SPATA7: variants seen among roughly 807,000 people sequenced by gnomAD.
The protein encoded by SPATA7 is spermatogenesis associated 7, also known as spermatogenesis-associated protein 7.
A neutral mutation model predicts 51.8 loss-of-function variants in SPATA7; 43 were observed. The ratio of observed to expected loss-of-function variants is 0.83; its 90% CI spans 0.65 to 1.07. The LOEUF is 1.07. Among genes scored for constraint, SPATA7 ranks in the 50% least tolerant of loss-of-function variants. The pLI, the probability that SPATA7 is intolerant of heterozygous loss-of-function variation, is 0.00. For synonymous variants in SPATA7, 230 were observed against 252.8 expected (o/e 0.91, Z 0.86); for missense variants, 683 against 701.3 (o/e 0.97, Z 0.30).
chr14:88,385,770 A>G lies in SPATA7; in HGVS notation c.-49A>G. 6.4e-7 allele frequency: 1 copy of G among 1,571,202 alleles called. No homozygotes were observed. Among genetic ancestry groups the G allele is most frequent in the African/African-American group, 1.3e-5 (1 of 74,524 alleles). ...GGGGCTGGGCCCGGCCGCGGGAAGG[A>G]CCGAAGGGGATACAGCGTGTCCCTG... On this transcript the variant is annotated 5_prime_UTR_variant, in exon 1 of 12. Coordinates refer to ENST00000393545, the MANE Select transcript of SPATA7 (RefSeq NM_018418.5).
chr14:88,458,480 C>T (rs947703849), downstream of SPATA7, among the ~76,000 whole-genome samples: 2 of 152,102 alleles, frequency 1.3e-5, no homozygotes, highest in Non-Finnish European at 2.9e-5. Context: ...GGAATTTATC[C>T]ATTTCTTCTA....
At position 88,424,115 on chromosome 14, in the gene SPATA7, C is replaced by T. The variant is rs8012055; in HGVS notation, c.373-2117C>T. Among the ~76,000 whole-genome samples the T allele has an allele frequency of 7.5e-3, 1,148 of 152,286 alleles. 14 individuals are homozygous for T. Among genetic ancestry groups the T allele is most frequent in the African/African-American group, 0.026 (1,096 of 41,554 alleles). On this transcript the variant is annotated intron_variant, in intron 5 of 11. Coordinates refer to ENST00000393545, the MANE Select transcript of SPATA7 (RefSeq NM_018418.5). ...GTTCAGGGTACCACCAGACTCTTTG[C>T]TCCATTGGCACATAATTGATGAACC...
intron 4 of SPATA7, among the ~76,000 whole-genome samples, chr14:88,463,888 C>G (rs2077333997): frequency 6.6e-6 from 1 of 151,948 alleles, no homozygotes; most frequent in Non-Finnish European, 1.5e-5. Context: ...TGCTCTGTCA[C>G]CCAAGCTGGA....
At chr14:88,386,268 G>A (rs2139847841) in intron 1 of SPATA7, among the ~76,000 whole-genome samples, 1 of 152,200 alleles carries the variant, frequency 6.6e-6, no homozygotes, top group African/African-American at 2.4e-5. Context: ...GAGTTCTTGA[G>A]GATTAAATGC....
At chr14:88,393,521 C>A (rs1308846397) in intron 3 of SPATA7, 33 bp downstream of exon 3, 2 of 1,421,956 alleles carry the variant, frequency 1.4e-6, no homozygotes, top group East Asian at 2.3e-5. Context: ...TCTCTGTACT[C>A]AATTTAAACC....
chr14:88,456,742 G>A (rs1469352804), downstream of SPATA7, among the ~76,000 whole-genome samples: 2 of 152,054 alleles, frequency 1.3e-5, no homozygotes, highest in African/African-American at 4.8e-5. Context: ...GATCCCATTT[G>A]TCAATTTTGG....
At chr14:88,444,666 G>A (rs2077199436) in intron 3 of SPATA7, among the ~76,000 whole-genome samples, 1 of 152,164 alleles carries the variant, frequency 6.6e-6, no homozygotes, top group South Asian at 2.1e-4. Flanking sequence ...TTCGTATAAG[G>A]TGTAAGGAAG....
intron 5 of SPATA7, among the ~76,000 whole-genome samples, chr14:88,419,844 C>G (rs1387243011): frequency 6.6e-6 from 1 of 151,892 alleles, no homozygotes; most frequent in African/African-American, 2.4e-5. Flanking sequence ...TTATTTCTGG[C>G]TTCTTATTTC....
At chr14:88,434,618 G>A (rs962353607) in intron 10 of SPATA7, among the ~76,000 whole-genome samples, 4 of 151,528 alleles carry the variant, frequency 2.6e-5, no homozygotes, top group Admixed American at 6.6e-5. Context: ...CCCGCAAGGC[G>A]GAGGTTGCAG....
intron 8 of SPATA7, among the ~76,000 whole-genome samples, chr14:88,430,935 G>A (rs1020298241): frequency 3.9e-5 from 6 of 152,054 alleles, no homozygotes; most frequent in Non-Finnish European, 7.4e-5. Flanking sequence ...TCCAAAATCC[G>A]ACATGATGCC....
intron 10 of SPATA7, among the ~76,000 whole-genome samples, chr14:88,435,556 AC>A (rs972516963): frequency 6.6e-6 from 1 of 152,016 alleles, no homozygotes; most frequent in Non-Finnish European, 1.5e-5. Context: ...CCCATTAACT[AC>A]CCCACTTAAC....
chr14:88,452,716 C>A (rs897729350), intron 3 of SPATA7, among the ~76,000 whole-genome samples: 3 of 152,132 alleles, frequency 2.0e-5, no homozygotes, highest in African/African-American at 7.2e-5. Flanking sequence ...TCCAGTATAC[C>A]CCCTGCTGCT....
intron 4 of SPATA7, among the ~76,000 whole-genome samples, chr14:88,411,076 G>A (rs1178910766): frequency 6.6e-6 from 1 of 152,222 alleles, no homozygotes; most frequent in African/African-American, 2.4e-5. Context: ...TGCCCAGAGA[G>A]GAGGAATCTA....
At chr14:88,459,541 C>G (rs1173670681), downstream of SPATA7, among the ~76,000 whole-genome samples, 2 of 152,008 alleles carry the variant, frequency 1.3e-5, no homozygotes, top group Admixed American at 6.6e-5. Flanking sequence ...GGATTGCAAC[C>G]CCTGCCTTTT....
intron 10 of SPATA7, among the ~76,000 whole-genome samples, chr14:88,434,830 G>A (rs1006348864): frequency 1.3e-5 from 2 of 152,118 alleles, no homozygotes; most frequent in African/African-American, 4.8e-5. Context: ...GTTAACAATA[G>A]TTGTAAAAAG....
intron 2 of SPATA7, among the ~76,000 whole-genome samples, chr14:88,392,661 CT>C (rs1381628480): frequency 6.6e-6 from 1 of 152,100 alleles, no homozygotes; most frequent in African/African-American, 2.4e-5. Context: ...GAAATCACTT[CT>C]TTTTCAAACT....
Position 88,469,520 on chromosome 14 carries a change from C to T in SPATA7, c.255-327C>T, listed in dbSNP as rs1205730185. On this transcript the variant is annotated intron_variant, in intron 4 of 4. Coordinates refer to the SPATA7 transcript ENST00000556406. The surrounding 1 kb of genome is among the most constrained non-coding windows in gnomAD (Gnocchi z 4.3). ...TCACATAAAAATCCCTTGAGGTCTT[C>T]TGGACAGCCATGTTCAGGCCAGTCT... 2 of 1,613,980 alleles carry T rather than the reference C, an allele frequency of 1.2e-6. No individual in the cohort carries two copies. The highest frequency in any genetic ancestry group is 8.5e-7 in the Non-Finnish European group (1 of 1,179,832).
At chr14:88,433,906 A>G (rs1462091156) in intron 10 of SPATA7, among the ~76,000 whole-genome samples, 1 of 152,208 alleles carries the variant, frequency 6.6e-6, no homozygotes, top group East Asian at 1.9e-4. Context: ...CATTATTGGT[A>G]TAAAAAGGCA....
rs139480985 is a variant in SPATA7, at chr14:88,407,577, G to A, written c.239-9134G>A. 7.0e-3 allele frequency among the ~76,000 whole-genome samples: 1,071 copies of A among 152,098 alleles called. 10 individuals are homozygous for A. Among genetic ancestry groups the A allele is most frequent in the African/African-American group, 0.025 (1,033 of 41,506 alleles). On this transcript the variant is annotated intron_variant, in intron 4 of 11. Transcript: ENST00000393545. The stretch of plus-strand genomic sequence containing the variant: ...TGGGTTGTTTGTCCACTCTGATGAC[G>A]GTTTCTTTTGCTGTGCAGAAGCTCT...
Sources: gnomAD v4.1 joint callset for allele counts (sites outside exome capture counted in the v4.1 genomes callset) on GRCh38, gnomAD v4.1.1 for gene constraint, Gnocchi (gnomAD v3.1) non-coding constraint, MANE v1.5 for transcripts, NCBI Gene and HGNC (gene_info 2026-07-23, HGNC 2026-07-21) for gene names.